The following LINGO3 variants were observed in gnomAD, a reference collection of about 807,000 sequenced individuals.
The protein encoded by LINGO3 is leucine-rich repeat and immunoglobulin-like domain-containing nogo receptor-interacting protein 3.
For missense variants in LINGO3, 750 were observed against 867.7 expected (o/e 0.86, Z 1.70); for synonymous variants, 427 against 444.2 (o/e 0.96, Z 0.49).
At chr19:2,302,375 G>A in the LINGO3 span, among the ~76,000 whole-genome samples, 2 of 152,138 alleles carry the variant, frequency 1.3e-5, no homozygotes, top group Non-Finnish European at 2.9e-5. Flanking sequence ...TGTCCTTAAG[G>A]AGCTTACATT....
upstream of LINGO3, among the ~76,000 whole-genome samples, chr19:2,296,637 C>G (rs1438861680): frequency 6.6e-6 from 1 of 151,998 alleles, no homozygotes; most frequent in Non-Finnish European, 1.5e-5. Context: ...CACTACCACA[C>G]CCGGCTAATT....
chr19:2,291,472 G>C (rs771957087), exon 1 of LINGO3: 6 of 1,612,666 alleles, frequency 3.7e-6, no homozygotes, highest in Non-Finnish European at 4.2e-6. Context: ...GCGCAGGCGC[G>C]GCAGGTTGGC....
chr19:2,289,209 A>T (rs1259077129), downstream of LINGO3, among the ~76,000 whole-genome samples: 3 of 131,122 alleles, frequency 2.3e-5, no homozygotes, highest in African/African-American at 6.1e-5. Context: ...CCCGGGTGTG[A>T]GCTGTGTTTC....
the LINGO3 span, among the ~76,000 whole-genome samples, chr19:2,307,821 G>A: frequency 6.6e-6 from 1 of 152,086 alleles, no homozygotes; most frequent in South Asian, 2.1e-4. Context: ...ATGCCCACCC[G>A]ATTCCCCGCT....
upstream of LINGO3, among the ~76,000 whole-genome samples, chr19:2,296,412 C>G (rs2025572112): frequency 6.6e-6 from 1 of 152,090 alleles, no homozygotes; most frequent in Non-Finnish European, 1.5e-5. Flanking sequence ...CCCAGGAGGT[C>G]CAGGATGCAG....
At chr19:2,291,625 C>T (rs969323843) in exon 1 of LINGO3, 7 of 1,464,204 alleles carry the variant, frequency 4.8e-6, no homozygotes, top group African/African-American at 4.5e-5. Context: ...GGCCGGGATG[C>T]CGTCGGGCAC....
chr19:2,307,521 C>T, the LINGO3 span, among the ~76,000 whole-genome samples: 39 of 152,204 alleles, frequency 2.6e-4, no homozygotes, highest in Non-Finnish European at 3.4e-4. Context: ...GCTATTCAGA[C>T]GCCCCCAGAG....
At chr19:2,304,504 C>T in the LINGO3 span, among the ~76,000 whole-genome samples, 22 of 152,068 alleles carry the variant, frequency 1.4e-4, no homozygotes, top group Admixed American at 3.9e-4. Context: ...TCCGGATCAT[C>T]CAGAGGCCCA....
At chr19:2,293,806 A>G (rs1206638065), upstream of LINGO3, among the ~76,000 whole-genome samples, 2 of 150,662 alleles carry the variant, frequency 1.3e-5, no homozygotes, top group Admixed American at 1.3e-4. Flanking sequence ...TAAATCCAGC[A>G]TTTTGGGAGG....
At chr19:2,292,741 C>A (rs1204002728), upstream of LINGO3, among the ~76,000 whole-genome samples, 2 of 152,056 alleles carry the variant, frequency 1.3e-5, no homozygotes, top group African/African-American at 4.8e-5. Context: ...CCACCTGCCT[C>A]CGCCTCCCAA....
At chr19:2,294,222 C>T (rs924657706), upstream of LINGO3, among the ~76,000 whole-genome samples, 1 of 152,146 alleles carries the variant, frequency 6.6e-6, no homozygotes, top group Non-Finnish European at 1.5e-5. This position sits in a 1 kb window ranked among gnomAD's most constrained non-coding sequence, Gnocchi z 4.3. Context: ...GACTTGGACA[C>T]ACACCTAGCC....
At position 2,290,472 on chromosome 19, in the gene LINGO3, C is replaced by T; in HGVS notation, c.1305G>A (p.Pro435=). The T allele has an allele frequency of 6.9e-7, 1 of 1,459,796 alleles. No homozygotes were observed. Among genetic ancestry groups the T allele is most frequent in the Non-Finnish European group, 9.0e-7 (1 of 1,112,430 alleles). 90.4% of individuals were successfully genotyped at this position (1,459,796 alleles called of 1,614,324 possible). A position where few individuals can be genotyped will look rare whatever the true frequency, so the allele number is the denominator to read the frequency against. Residue 435 remains proline, a synonymous_variant, in exon 1 of 1, where the codon CCG becomes CCA. Transcript: ENST00000585527. The surrounding 1 kb of genome is among the most constrained non-coding windows in gnomAD (Gnocchi z 6.0). The stretch of plus-strand genomic sequence containing the variant: ...GGGTCACCCAGGCCACGGTGGGCGC[C>T]GGCTCGCCCTCGGCGCGGCAGAGGA...
the LINGO3 span, among the ~76,000 whole-genome samples, chr19:2,306,701 G>A: frequency 2.0e-5 from 3 of 152,260 alleles, no homozygotes; most frequent in African/African-American, 7.2e-5. Context: ...GGAAGTCACC[G>A]GTGAAGACCA....
chr19:2,295,630 T>G (rs11879876), upstream of LINGO3, among the ~76,000 whole-genome samples: 129,432 of 152,096 alleles, frequency 0.85, 55,465 homozygotes, highest in African/African-American at 0.95. Flanking sequence ...CAGCTCCTTG[T>G]GAGGCTGAGG....
At chr19:2,300,600 C>T in the LINGO3 span, among the ~76,000 whole-genome samples, 6 of 152,102 alleles carry the variant, frequency 3.9e-5, no homozygotes, top group East Asian at 5.8e-4. Context: ...TCTCCCAGGG[C>T]GACCCACAGA....
In LINGO3 at chr19:2,290,354, T is replaced by C; in HGVS notation, c.1423A>G (p.Ser475Gly). Reference sequence around the variant, plus strand: ...CTGGCCACGCACGTGTAGGTGCCGCTGTCCTGCGGCCGCGCGTCCTGGATC... The same window carrying C: ...CTGGCCACGCACGTGTAGGTGCCGCCGTCCTGCGGCCGCGCGTCCTGGATC... Residue 475 changes from serine (S) to glycine (G), a missense_variant, in exon 1 of 1, where the codon AGC (serine) becomes GGC (glycine). Ser to Gly is a moderately conservative substitution (Grantham distance 56). Coordinates refer to ENST00000585527, the Ensembl canonical transcript of LINGO3. The surrounding 1 kb of genome is among the most constrained non-coding windows in gnomAD (Gnocchi z 6.0). The C allele has an allele frequency of 6.6e-7, 1 of 1,504,106 alleles. No individual in the cohort carries two copies. The highest frequency in any genetic ancestry group is 8.8e-7 in the Non-Finnish European group (1 of 1,135,340). The allele number at this position is 1,504,106 out of a possible 1,614,324, so 93.2% of individuals were successfully genotyped here. A position where few individuals can be genotyped will look rare whatever the true frequency, so the allele number is the denominator to read the frequency against.
chr19:2,302,825 G>C, the LINGO3 span, among the ~76,000 whole-genome samples: 1 of 152,234 alleles, frequency 6.6e-6, no homozygotes, highest in Non-Finnish European at 1.5e-5. Flanking sequence ...GTGGACGGGA[G>C]TGGGGGTCTG....
chr19:2,306,232 T>C, the LINGO3 span, among the ~76,000 whole-genome samples: 22 of 152,300 alleles, frequency 1.4e-4, no homozygotes, highest in African/African-American at 5.1e-4. Context: ...CTGCACAACT[T>C]AGCTGCAGAC....
chr19:2,295,325 AG>A (rs1295454344), upstream of LINGO3, among the ~76,000 whole-genome samples: 4 of 152,092 alleles, frequency 2.6e-5, no homozygotes, highest in Non-Finnish European at 5.9e-5. Flanking sequence ...AAGTGACACC[AG>A]GGATGGCCAG....
Sources: gnomAD v4.1 joint callset for allele counts (sites outside exome capture counted in the v4.1 genomes callset) on GRCh38, gnomAD v4.1.1 for gene constraint, Gnocchi (gnomAD v3.1) non-coding constraint, MANE v1.5 for transcripts, NCBI Gene and HGNC (gene_info 2026-07-23, HGNC 2026-07-21) for gene names.